RNF170: variants seen among roughly 807,000 people sequenced by gnomAD.
RNF170 encodes ring finger protein 170.
In RNF170, 12 loss-of-function variants were observed where a neutral mutation model predicts 32.7. The ratio of observed to expected loss-of-function variants is 0.37; its 90% confidence interval spans 0.24 to 0.60. The LOEUF (loss-of-function observed/expected upper bound fraction) is 0.60, where lower values mean the gene tolerates loss of function less well. Among genes scored for constraint, RNF170 ranks in the 20% least tolerant of loss-of-function variants. The pLI, the probability that RNF170 is intolerant of heterozygous loss-of-function variation, is 0.72. For synonymous variants in RNF170, 91 were observed against 103.6 expected (o/e 0.88, Z 0.74); for missense variants, 212 against 311.2 (o/e 0.68, Z 2.40).
intron 6 of RNF170, chr8:42,861,193 T>G (rs1157983885): frequency 6.6e-6 from 1 of 152,302 alleles, no homozygotes; most frequent in Non-Finnish European, 1.5e-5. Context: ...ATTGCTTTTC[T>G]GCTAGTTTCT....
At chr8:42,878,072 TCAA>T (rs1563266109) in intron 2 of RNF170, among the ~76,000 whole-genome samples, 1 of 149,898 alleles carries the variant, frequency 6.7e-6, no homozygotes, top group Admixed American at 6.6e-5. Flanking sequence ...AATCAATCAA[TCAA>T]CGTTGTGTAT....
At chr8:42,872,112 A>G (rs1441845338) in intron 3 of RNF170, among the ~76,000 whole-genome samples, 1 of 152,152 alleles carries the variant, frequency 6.6e-6, no homozygotes, top group Non-Finnish European at 1.5e-5. Flanking sequence ...AACAGACTAC[A>G]TCGCCAGCCT....
chr8:42,853,575 T>C lies in RNF170; in HGVS notation c.*2584A>G. 7.8e-7 allele frequency: 1 copy of C among 1,286,912 alleles called. No individual in the cohort carries two copies. The allele number at this position is 1,286,912 out of a possible 1,614,324, so 79.7% of individuals were successfully genotyped here. A position where few individuals can be genotyped will look rare whatever the true frequency, so the allele number is the denominator to read the frequency against. ...CCCAAGTTATTATCTGCTCCTGGGG[T>C]TGGACCATCTGTTTTATGACAGTTA... On this transcript the variant is annotated 3_prime_UTR_variant, in exon 7 of 7. Transcript: ENST00000527424.
intron 5 of RNF170, among the ~76,000 whole-genome samples, chr8:42,864,100 C>CTT (rs796502501): frequency 7.3e-6 from 1 of 136,664 alleles, no homozygotes; most frequent in Non-Finnish European, 1.6e-5. Flanking sequence ...TGGAGGAATA[C>CTT]TTTTTTTTTT....
At chr8:42,859,274 A>T (rs936554456) in intron 6 of RNF170, among the ~76,000 whole-genome samples, 1 of 152,196 alleles carries the variant, frequency 6.6e-6, no homozygotes, top group African/African-American at 2.4e-5. Context: ...AGAAGTGAGG[A>T]GGCCACTGTG....
intron 6 of RNF170, among the ~76,000 whole-genome samples, chr8:42,857,530 A>G (rs1389586981): frequency 6.6e-6 from 1 of 152,224 alleles, no homozygotes; most frequent in Non-Finnish European, 1.5e-5. Flanking sequence ...AAAATCTTTA[A>G]TAATTAGACC....
chr8:42,877,849 G>C (rs1805076089), intron 2 of RNF170, among the ~76,000 whole-genome samples: 1 of 152,058 alleles, frequency 6.6e-6, no homozygotes, highest in African/African-American at 2.4e-5. Context: ...CCACAGAAAG[G>C]GACAAAATAT....
At position 42,855,109 on chromosome 8, in the gene RNF170, G is replaced by C. The variant is rs895265614; in HGVS notation, c.*1050C>G. 2 of 1,287,166 alleles carry C rather than the reference G, an allele frequency of 1.6e-6. No homozygotes were observed. The highest frequency in any genetic ancestry group is 1.1e-4 in the East Asian group (2 of 18,032). 79.7% of individuals were successfully genotyped at this position (1,287,166 alleles called of 1,614,324 possible). On this transcript the variant is annotated 3_prime_UTR_variant, in exon 7 of 7. Coordinates refer to ENST00000527424, the MANE Select transcript of RNF170 (RefSeq NM_030954.4). ...ACTCTGTGTTTGCAGCATCGCCCAG[G>C]TTCCTAAAACAATCTTCCCTTTACA...
chr8:42,884,150 G>A (rs867332904), intron 2 of RNF170, among the ~76,000 whole-genome samples: 1 of 151,492 alleles, frequency 6.6e-6, no homozygotes, highest in African/African-American at 2.4e-5. Context: ...GCGTGATCTC[G>A]GCTCACAGCA....
intron 2 of RNF170, among the ~76,000 whole-genome samples, chr8:42,884,086 T>G (rs1805625407): frequency 6.6e-6 from 1 of 152,100 alleles, no homozygotes; most frequent in African/African-American, 2.4e-5. Context: ...ATTCTTTTTT[T>G]TTCTTTTTTT....
rs1366367839 is a variant in RNF170, at chr8:42,854,060, A to G, written c.*2099T>C. 1 of 1,287,224 alleles carries G rather than the reference A, an allele frequency of 7.8e-7. No individual in the cohort carries two copies. The allele number at this position is 1,287,224 out of a possible 1,614,324, so 79.7% of individuals were successfully genotyped here. A position where few individuals can be genotyped will look rare whatever the true frequency, so the allele number is the denominator to read the frequency against. ...CCAGTCTGGTACATGGCAGTGTGAC[A>G]AACTCCTACTCACTCGCTTTTCAAG... On this transcript the variant is annotated 3_prime_UTR_variant, in exon 7 of 7. Transcript: ENST00000527424.
At chr8:42,883,892 T>A (rs1199691121) in intron 2 of RNF170, among the ~76,000 whole-genome samples, 1 of 152,032 alleles carries the variant, frequency 6.6e-6, no homozygotes, top group Non-Finnish European at 1.5e-5. Flanking sequence ...CCCCAATACA[T>A]CATGATTCCC....
downstream of RNF170, chr8:42,850,896 C>A: frequency 6.4e-7 from 1 of 1,551,682 alleles, no homozygotes; most frequent in Non-Finnish European, 8.7e-7. Flanking sequence ...GAGGCCCTGA[C>A]CTGCATCCGA....
At chr8:42,887,684 C>T in intron 2 of RNF170, 44 bp downstream of exon 2, 1 of 1,596,184 alleles carries the variant, frequency 6.3e-7, no homozygotes, top group Non-Finnish European at 8.6e-7. Flanking sequence ...AAAAAGTCAG[C>T]AGCCCTTGCA....
Position 42,855,743 on chromosome 8 carries a change from G to T in RNF170, c.*416C>A. ...TATTTTATTGGAACAAAAATATTTA[G>T]ATGAGTTTCACAGCTATATATTATC... On this transcript the variant is annotated 3_prime_UTR_variant, in exon 7 of 7. Transcript: ENST00000527424. 2 of 1,253,868 alleles carry T rather than the reference G, an allele frequency of 1.6e-6. No homozygotes were observed. Among genetic ancestry groups the T allele is most frequent in the Non-Finnish European group, 2.1e-6 (2 of 966,716 alleles). The allele number at this position is 1,253,868 out of a possible 1,614,324, so 77.7% of individuals were successfully genotyped here.
At chr8:42,851,018 G>T (rs1299125665), downstream of RNF170, 2 of 1,549,868 alleles carry the variant, frequency 1.3e-6, no homozygotes, top group South Asian at 1.2e-5. Context: ...TAGTCAGAAT[G>T]ACCTTTTAAA....
intron 1 of RNF170, 73 bp from the exon 2 acceptor site, chr8:42,887,944 T>A: frequency 7.4e-7 from 1 of 1,347,122 alleles, no homozygotes; most frequent in Non-Finnish European, 1.1e-6. Context: ...AAAAGCAATG[T>A]AAATATAACT....
chr8:42,879,524 G>A (rs1805212513), intron 2 of RNF170, among the ~76,000 whole-genome samples: 1 of 152,028 alleles, frequency 6.6e-6, no homozygotes, highest in East Asian at 1.9e-4. Context: ...GGTGGCACGT[G>A]CCTGTAGTCC....
intron 4 of RNF170, among the ~76,000 whole-genome samples, chr8:42,866,675 GA>G (rs1472453462): frequency 1.3e-5 from 2 of 152,020 alleles, no homozygotes; most frequent in African/African-American, 4.8e-5. Flanking sequence ...TCCAGTTCAA[GA>G]ATTGAATCAA....
Sources: gnomAD v4.1 joint callset for allele counts (sites outside exome capture counted in the v4.1 genomes callset) on GRCh38, gnomAD v4.1.1 for gene constraint, MANE v1.5 for transcripts, NCBI Gene and HGNC (gene_info 2026-07-23, HGNC 2026-07-21) for gene names.